The following TBC1D19 variants were observed in gnomAD, a reference collection of about 807,000 sequenced individuals.
TBC1D19 encodes TBC1 domain family member 19, also known as TBC1 domain family, member 19.
In TBC1D19, 60 loss-of-function variants were observed where a neutral mutation model predicts 89.0. That is an observed-to-expected ratio of 0.67 (90% CI 0.55 to 0.84). TBC1D19 has a LOEUF of 0.84. Among genes scored for constraint, TBC1D19 ranks in the 40% least tolerant of loss-of-function variants. The pLI is 0.00. For synonymous variants in TBC1D19, 189 were observed against 199.7 expected (o/e 0.95, Z 0.45); for missense variants, 500 against 610.8 (o/e 0.82, Z 1.91).
chr4:26,734,425 C>T (rs1185553099), intron 15 of TBC1D19, among the ~76,000 whole-genome samples: 1 of 152,094 alleles, frequency 6.6e-6, no homozygotes, highest in African/African-American at 2.4e-5. Context: ...GTAGTGTTAG[C>T]TATATGGTGG....
rs907658506 is a variant in TBC1D19, at chr4:26,755,552, C to G, written c.*605C>G. On this transcript the variant is annotated 3_prime_UTR_variant, in exon 21 of 21. Transcript: ENST00000264866. ...TTTAAACATCTCTACTGGGGAAGGT[C>G]GAATACAATTGTCTCCATTTGACAA... Among the ~76,000 whole-genome samples, 1 of 152,100 alleles carries G rather than the reference C, an allele frequency of 6.6e-6. No individual in the cohort carries two copies. Among genetic ancestry groups the G allele is most frequent in the Non-Finnish European group, 1.5e-5 (1 of 67,994 alleles).
chr4:26,780,586 C>T, the TBC1D19 span, among the ~76,000 whole-genome samples: 9 of 152,320 alleles, frequency 5.9e-5, no homozygotes, highest in African/African-American at 2.2e-4. Context: ...TGCCCAAGAC[C>T]AGTGTCCCAG....
intron 3 of TBC1D19, among the ~76,000 whole-genome samples, chr4:26,618,736 C>G (rs1013346279): frequency 1.3e-5 from 2 of 152,228 alleles, no homozygotes; most frequent in African/African-American, 4.8e-5. Flanking sequence ...TTCTGGCCAA[C>G]ATCCAGGCAA....
intron 15 of TBC1D19, among the ~76,000 whole-genome samples, chr4:26,727,861 G>A (rs982590323): frequency 6.6e-6 from 1 of 151,462 alleles, no homozygotes; most frequent in Non-Finnish European, 1.5e-5. Flanking sequence ...ACATTTACTG[G>A]GCATCTCACT....
chr4:26,615,393 A>G (rs567558633), intron 3 of TBC1D19, among the ~76,000 whole-genome samples: 179 of 152,038 alleles, frequency 1.2e-3, no homozygotes, highest in African/African-American at 4.1e-3. Flanking sequence ...AGAACAATAA[A>G]CAATTTCTGC....
At chr4:26,704,148 G>C (rs536239483) in intron 13 of TBC1D19, among the ~76,000 whole-genome samples, 1 of 152,028 alleles carries the variant, frequency 6.6e-6, no homozygotes, top group Admixed American at 6.5e-5. Context: ...TTTTTATTTT[G>C]CATGAAATTC....
the TBC1D19 span, among the ~76,000 whole-genome samples, chr4:26,782,083 A>G: frequency 6.6e-6 from 1 of 152,168 alleles, no homozygotes; most frequent in African/African-American, 2.4e-5. Flanking sequence ...TCACATATGT[A>G]ATGGTTGATA....
chr4:26,734,934 G>GTGTATATATGTATACACACATGTATA (rs1717883782), intron 15 of TBC1D19, among the ~76,000 whole-genome samples: 1 of 118,056 alleles, frequency 8.5e-6, no homozygotes, highest in Non-Finnish European at 1.8e-5. Flanking sequence ...ACATATATGT[G>GTGTATATATGTATACACACATGTATA]TGTATATATG....
chr4:26,603,661 C>T (rs114042323), intron 1 of TBC1D19, among the ~76,000 whole-genome samples: 2,950 of 152,092 alleles, frequency 0.019, 100 homozygotes, highest in African/African-American at 0.067. Context: ...TTAAGGCAGA[C>T]ATCAAAAGAG....
intron 7 of TBC1D19, among the ~76,000 whole-genome samples, chr4:26,651,119 C>T (rs940786913): frequency 2.0e-5 from 3 of 152,098 alleles, no homozygotes; most frequent in Non-Finnish European, 2.9e-5. Flanking sequence ...GTTACTGTAG[C>T]CTTGTAGTAT....
intron 7 of TBC1D19, among the ~76,000 whole-genome samples, chr4:26,646,122 C>CAAAA (rs1170955624): frequency 2.4e-5 from 1 of 42,200 alleles, no homozygotes; most frequent in African/African-American, 8.6e-5. Flanking sequence ...GACTCCGTCT[C>CAAAA]AAAAAAAAAA....
chr4:26,851,303 CCCTATCTA>C, the TBC1D19 span, among the ~76,000 whole-genome samples: 7 of 70,440 alleles, frequency 9.9e-5, no homozygotes, highest in South Asian at 3.9e-4. Context: ...CTAATAAATA[CCCTATCTA>C]TCTATCTATC....
At chr4:26,850,667 G>A in the TBC1D19 span, among the ~76,000 whole-genome samples, 1 of 151,996 alleles carries the variant, frequency 6.6e-6, no homozygotes, top group Non-Finnish European at 1.5e-5. Context: ...GGCCTGGACA[G>A]ATCCCTTGCT....
chr4:26,670,935 T>G (rs1250211003), intron 9 of TBC1D19, among the ~76,000 whole-genome samples: 1 of 151,322 alleles, frequency 6.6e-6, no homozygotes, highest in African/African-American at 2.4e-5. Flanking sequence ...TGTATGAATA[T>G]GCCACTATCT....
chr4:26,823,956 G>A, the TBC1D19 span, among the ~76,000 whole-genome samples: 119 of 152,272 alleles, frequency 7.8e-4, no homozygotes, highest in African/African-American at 2.6e-3. Context: ...CTGCCTGACC[G>A]CTGGCTCCAG....
intron 1 of TBC1D19, among the ~76,000 whole-genome samples, chr4:26,605,654 G>A (rs1226661854): frequency 6.6e-6 from 1 of 152,142 alleles, no homozygotes; most frequent in Admixed American, 6.5e-5. Context: ...GGTTGAACTA[G>A]TTTACAGTCC....
chr4:26,627,860 T>TCACAG (rs1742533308), intron 4 of TBC1D19, among the ~76,000 whole-genome samples: 1 of 151,932 alleles, frequency 6.6e-6, no homozygotes, highest in Non-Finnish European at 1.5e-5. Flanking sequence ...GATGGTAGTT[T>TCACAG]CTTTTGCTGT....
chr4:26,740,590 T>C, intron 17 of TBC1D19: 2 of 928,724 alleles, frequency 2.2e-6, no homozygotes, highest in South Asian at 5.0e-5. Flanking sequence ...TTGAACATTT[T>C]AATCTGTTCT....
At chr4:26,707,589 T>C (rs1310275725) in intron 13 of TBC1D19, among the ~76,000 whole-genome samples, 1 of 152,024 alleles carries the variant, frequency 6.6e-6, no homozygotes, top group Non-Finnish European at 1.5e-5. Context: ...ATGTGTCTTA[T>C]AGCTTTTATG....
Sources: allele counts gnomAD v4.1 joint callset (sites outside exome capture counted in the v4.1 genomes callset), GRCh38; gene constraint gnomAD v4.1.1; transcripts MANE v1.5; gene names NCBI Gene and HGNC (gene_info 2026-07-23, HGNC 2026-07-21).